The following PARD3B variants were observed in gnomAD, a reference collection of about 807,000 sequenced individuals.
PARD3B encodes par-3 family cell polarity regulator beta, also known as partitioning defective 3 homolog B.
In PARD3B, 103 loss-of-function variants were observed where a neutral mutation model predicts 130.2. The observed-to-expected ratio is 0.79, with a 90% CI of 0.67 to 0.93. The LOEUF is 0.93. Among genes scored for constraint, PARD3B ranks in the 40% least tolerant of loss-of-function variants. The pLI is 0.00. For synonymous variants in PARD3B, 583 were observed against 553.2 expected, an observed-to-expected ratio of 1.05 and a Z score of -0.76; for missense variants, 1,609 against 1,499.2, an observed-to-expected ratio of 1.07 and a Z score of -1.21.
At chr2:204,568,986 G>T (rs2031842201) in intron 1 of PARD3B, among the ~76,000 whole-genome samples, 1 of 150,686 alleles carries the variant, frequency 6.6e-6, no homozygotes, top group African/African-American at 2.5e-5. Context: ...GGAAAACTCA[G>T]GCATATTATT....
In PARD3B at chr2:204,644,537, G is replaced by A. The variant is rs112861851; in HGVS notation, c.121-41644G>A. ...TCCACTGAATATTTTAACAATAAAA[G>A]CAAAATATGTGGTCTCTTTCAAAAT... On this transcript the variant is annotated intron_variant, in intron 1 of 22. Coordinates refer to ENST00000406610, the MANE Select transcript of PARD3B (RefSeq NM_001302769.2). Among the ~76,000 whole-genome samples, 501 of 152,170 alleles carry A rather than the reference G, an allele frequency of 3.3e-3. 2 individuals carry two copies. The highest frequency in any genetic ancestry group is 0.011 in the African/African-American group (466 of 41,546).
At chr2:204,789,746 T>G (rs2125471718) in intron 2 of PARD3B, among the ~76,000 whole-genome samples, 1 of 152,316 alleles carries the variant, frequency 6.6e-6, no homozygotes, top group African/African-American at 2.4e-5. Context: ...TCAATATTAG[T>G]TTTAGTGCTC....
intron 15 of PARD3B, among the ~76,000 whole-genome samples, chr2:205,205,357 G>C (rs1274096729): frequency 6.6e-6 from 1 of 152,120 alleles, no homozygotes; most frequent in Non-Finnish European, 1.5e-5. Flanking sequence ...TGAGACGATG[G>C]GGTTTTCTAA....
At chr2:204,716,031 C>A (rs1214858445) in intron 2 of PARD3B, among the ~76,000 whole-genome samples, 2 of 152,120 alleles carry the variant, frequency 1.3e-5, no homozygotes, top group Non-Finnish European at 2.9e-5. Context: ...CTTACGCATG[C>A]TGTTATTTGA....
chr2:204,612,886 G>A (rs2033981647), intron 1 of PARD3B, among the ~76,000 whole-genome samples: 1 of 151,910 alleles, frequency 6.6e-6, no homozygotes, highest in South Asian at 2.1e-4. Context: ...TAATAGTTTA[G>A]TTCTTTTTTA....
At chr2:204,751,629 C>G (rs2040472180) in intron 2 of PARD3B, among the ~76,000 whole-genome samples, 1 of 152,182 alleles carries the variant, frequency 6.6e-6, no homozygotes, top group Admixed American at 6.5e-5. Context: ...TCCAGTACAT[C>G]TGTCTTATAA....
chr2:204,636,586 T>C (rs529127915), intron 1 of PARD3B, among the ~76,000 whole-genome samples: 1 of 152,172 alleles, frequency 6.6e-6, no homozygotes, highest in East Asian at 1.9e-4. Context: ...AGCCAGCATG[T>C]ACTTCCTAAC....
chr2:205,401,856 A>G (rs554278664), intron 19 of PARD3B, among the ~76,000 whole-genome samples: 6 of 152,320 alleles, frequency 3.9e-5, no homozygotes, highest in African/African-American at 1.4e-4. Flanking sequence ...TTGGAGAAAG[A>G]CTGAGATTAT....
At chr2:205,095,211 T>C (rs1702326785) in intron 4 of PARD3B, among the ~76,000 whole-genome samples, 1 of 152,162 alleles carries the variant, frequency 6.6e-6, no homozygotes, top group South Asian at 2.1e-4. Flanking sequence ...AGTTTTAATA[T>C]ATTTAATGAT....
rs187341442 is a variant in PARD3B, at chr2:204,799,842, A to G, written c.222+113560A>G. Among the ~76,000 whole-genome samples the G allele has an allele frequency of 1.3e-5, 2 of 152,202 alleles. No homozygotes were observed. The highest frequency in any genetic ancestry group is 1.3e-4 in the Admixed American group (2 of 15,290). ...GTTCCCCAAATGCAGATATGGCTGC[A>G]GTGACTAAAGATTTATATCACAGCA... On this transcript the variant is annotated intron_variant, in intron 2 of 22. Coordinates refer to ENST00000406610, the MANE Select transcript of PARD3B (RefSeq NM_001302769.2). The surrounding 1 kb of genome is among the most constrained non-coding windows in gnomAD (Gnocchi z 4.1).
At chr2:205,380,684 C>T (rs1457703272) in intron 18 of PARD3B, among the ~76,000 whole-genome samples, 27 of 85,346 alleles carry the variant, frequency 3.2e-4, no homozygotes, top group African/African-American at 7.9e-4. Context: ...AAAGAATAAA[C>T]ATATATACTA....
At chr2:204,786,968 G>A (rs904173223) in intron 2 of PARD3B, among the ~76,000 whole-genome samples, 4 of 151,980 alleles carry the variant, frequency 2.6e-5, no homozygotes, top group African/African-American at 9.7e-5. Context: ...TTCTCTGGAC[G>A]TATGGGATGT....
At chr2:205,521,973 TAGATAC>T in intron 21 of PARD3B, among the ~76,000 whole-genome samples, 1 of 152,194 alleles carries the variant, frequency 6.6e-6, no homozygotes, top group South Asian at 2.1e-4. Flanking sequence ...GCTTTTCTGA[TAGATAC>T]AGATATTTGG....
At chr2:204,653,943 T>A (rs570599275) in intron 1 of PARD3B, among the ~76,000 whole-genome samples, 2 of 151,380 alleles carry the variant, frequency 1.3e-5, no homozygotes, top group East Asian at 3.9e-4. Context: ...CAGATACAAA[T>A]GTACATTTAT....
intron 1 of PARD3B, among the ~76,000 whole-genome samples, chr2:204,643,136 A>AAAAAAAAAAAAAATT (rs1559202402): frequency 6.9e-6 from 1 of 145,200 alleles, no homozygotes; most frequent in African/African-American, 2.5e-5. Context: ...AAAAAAAAAA[A>AAAAAAAAAAAAAATT]TGTTTGGCAC....
chr2:205,317,911 A>G (rs1381685237), intron 18 of PARD3B, among the ~76,000 whole-genome samples: 1 of 152,156 alleles, frequency 6.6e-6, no homozygotes, highest in Non-Finnish European at 1.5e-5. Context: ...AAAAAGCCAC[A>G]TAGCTCTGGA....
intron 1 of PARD3B, among the ~76,000 whole-genome samples, chr2:204,613,002 G>A (rs1377559633): frequency 6.6e-6 from 1 of 151,980 alleles, no homozygotes. Flanking sequence ...TTAGTATGAT[G>A]ATAAAATATT....
At chr2:205,434,722 A>G (rs568288975) in intron 19 of PARD3B, among the ~76,000 whole-genome samples, 84 of 152,294 alleles carry the variant, frequency 5.5e-4, no homozygotes, top group Middle Eastern at 6.8e-3. Context: ...ATAAAAGTTC[A>G]GTGAACAATA....
intron 21 of PARD3B, among the ~76,000 whole-genome samples, chr2:205,511,318 T>G (rs530694712): frequency 6.6e-6 from 1 of 152,294 alleles, no homozygotes; most frequent in East Asian, 1.9e-4. Flanking sequence ...AAAAAGGAAG[T>G]TCAGGAACAC....
Sources: allele counts gnomAD v4.1 joint callset (sites outside exome capture counted in the v4.1 genomes callset), GRCh38; gene constraint gnomAD v4.1.1; non-coding constraint Gnocchi (gnomAD v3.1); transcripts MANE v1.5; gene names NCBI Gene and HGNC (gene_info 2026-07-23, HGNC 2026-07-21).